Variants in CSGALNACT1 observed in about 807,000 individuals in gnomAD.
CSGALNACT1 encodes chondroitin sulfate N-acetylgalactosaminyltransferase 1.
In CSGALNACT1, 52 loss-of-function variants were observed where a neutral mutation model predicts 51.0. That is an observed-to-expected ratio of 1.02 (90% CI 0.82 to 1.29). CSGALNACT1 has a LOEUF of 1.29. CSGALNACT1 is among the 50% of genes most tolerant of loss of function. CSGALNACT1 has a pLI of 0.00. For missense variants in CSGALNACT1, 935 were observed against 679.2 expected, an observed-to-expected ratio of 1.38 and a Z score of -4.19; for synonymous variants, 341 against 254.4, an observed-to-expected ratio of 1.34 and a Z score of -3.24.
chr8:19,589,555 T>A (rs1365464063), intron 3 of CSGALNACT1, among the ~76,000 whole-genome samples: 1 of 152,200 alleles, frequency 6.6e-6, no homozygotes, highest in Non-Finnish European at 1.5e-5. Context: ...GGTCTTGAAC[T>A]CCCGACCTCA....
chr8:19,530,222 AAAAAC>A (rs58765246), intron 3 of CSGALNACT1, among the ~76,000 whole-genome samples: 4,486 of 150,152 alleles, frequency 0.03, 181 homozygotes, highest in East Asian at 0.14. Flanking sequence ...CTCTGGCTGA[AAAAAC>A]AAAACAAAAC....
chr8:19,702,416 G>A (rs2061930533), intron 1 of CSGALNACT1, among the ~76,000 whole-genome samples: 1 of 152,092 alleles, frequency 6.6e-6, no homozygotes, highest in Non-Finnish European at 1.5e-5. Flanking sequence ...GGAGGCTGAG[G>A]CTGGAGGATC....
At chr8:19,413,625 A>G (rs1179649358) in intron 8 of CSGALNACT1, among the ~76,000 whole-genome samples, 1 of 152,230 alleles carries the variant, frequency 6.6e-6, no homozygotes, top group Non-Finnish European at 1.5e-5. Flanking sequence ...CTGCAATAGT[A>G]AAATACTTTC....
At chr8:19,518,594 C>T (rs2080013992) in intron 3 of CSGALNACT1, among the ~76,000 whole-genome samples, 1 of 152,224 alleles carries the variant, frequency 6.6e-6, no homozygotes, top group Non-Finnish European at 1.5e-5. Context: ...TTTTTCTGCT[C>T]TGAGACTCCT....
chr8:19,666,872 AGAAAG>A (rs2059284769), intron 1 of CSGALNACT1, among the ~76,000 whole-genome samples: 1 of 136,712 alleles, frequency 7.3e-6, no homozygotes, highest in Non-Finnish European at 1.5e-5. Context: ...AAAGAAAGAA[AGAAAG>A]AAAGAAAGAG....
At chr8:19,668,786 C>T (rs2059572962) in intron 1 of CSGALNACT1, among the ~76,000 whole-genome samples, 1 of 152,196 alleles carries the variant, frequency 6.6e-6, no homozygotes, top group African/African-American at 2.4e-5. Context: ...CTCCTGACCT[C>T]AGGTGATCCA....
At position 19,448,946 on chromosome 8, in the gene CSGALNACT1, A is replaced by G. The variant is rs531975065; in HGVS notation, c.852-9015T>C. ...AGGAACAGAGTTAGTGGGGCTAAGT[A>G]AAACCTGGCTTTAAAATCAGTATTC... On this transcript the variant is annotated intron_variant, in intron 5 of 9. Coordinates refer to ENST00000454498, the Ensembl canonical transcript of CSGALNACT1. Among the ~76,000 whole-genome samples, 3 of 152,342 alleles carry G rather than the reference A, an allele frequency of 2.0e-5. No homozygotes were observed. The East Asian group carries it at 5.8e-4, about 29-fold the overall frequency.
chr8:19,706,669 C>T (rs2062185623), intron 1 of CSGALNACT1, among the ~76,000 whole-genome samples: 1 of 152,136 alleles, frequency 6.6e-6, no homozygotes, highest in African/African-American at 2.4e-5. Context: ...GGTCAGGCTC[C>T]TCCTTGTGTG....
At chr8:19,404,450 A>G (rs530234302) in exon 10 of CSGALNACT1, 2 of 453,338 alleles carry the variant, frequency 4.4e-6, no homozygotes, top group Non-Finnish European at 8.8e-6. Flanking sequence ...AATAGTTTGA[A>G]ATGGTAATAA....
Position 19,662,085 on chromosome 8 carries a change from C to A in CSGALNACT1, c.-544+20388G>T, listed in dbSNP as rs1046862374. Reference sequence around the variant, plus strand: ...CCCCACCCCCCCCCACCCCCCCCCCCCCCCGCATCTTCAGCAGCTTCAGCT... The same window carrying A: ...CCCCACCCCCCCCCACCCCCCCCCCACCCCGCATCTTCAGCAGCTTCAGCT... On this transcript the variant is annotated intron_variant, in intron 1 of 9. Transcript: ENST00000332246. Among the ~76,000 whole-genome samples, 28 of 110,348 alleles carry A rather than the reference C, an allele frequency of 2.5e-4. 1 individual carries two copies. The South Asian group carries it at 3.6e-3, about 14-fold the overall frequency. 72.4% of individuals were successfully genotyped at this position (110,348 alleles called of 152,430 possible). A position where few individuals can be genotyped will look rare whatever the true frequency, so the allele number is the denominator to read the frequency against.
chr8:19,670,186 A>C (rs1235464482), intron 1 of CSGALNACT1, among the ~76,000 whole-genome samples: 2 of 152,142 alleles, frequency 1.3e-5, no homozygotes, highest in Admixed American at 1.3e-4. Flanking sequence ...TTTTGCACTT[A>C]TAATCCCACT....
chr8:19,493,162 A>G (rs1027994464), intron 4 of CSGALNACT1, among the ~76,000 whole-genome samples: 1 of 152,110 alleles, frequency 6.6e-6, no homozygotes, highest in Non-Finnish European at 1.5e-5. Flanking sequence ...AAAGCTAAAG[A>G]ATTACTCTCT....
At chr8:19,672,944 C>T (rs2059906807) in intron 1 of CSGALNACT1, among the ~76,000 whole-genome samples, 1 of 152,204 alleles carries the variant, frequency 6.6e-6, no homozygotes, top group Non-Finnish European at 1.5e-5. Flanking sequence ...CAATGGAAAC[C>T]TCTGAGTTTT....
chr8:19,420,189 C>G (rs1035933404), intron 7 of CSGALNACT1, 151 bp downstream of exon 6: 1 of 738,118 alleles, frequency 1.4e-6, no homozygotes, highest in Non-Finnish European at 2.4e-6. Flanking sequence ...TGAGAACAGA[C>G]TAATACAGAT....
chr8:19,724,128 C>A (rs2063271704), intron 1 of CSGALNACT1, among the ~76,000 whole-genome samples: 1 of 152,116 alleles, frequency 6.6e-6, no homozygotes, highest in Non-Finnish European at 1.5e-5. Flanking sequence ...AAAGCAAGAC[C>A]ACCGCTGCCC....
intron 1 of CSGALNACT1, among the ~76,000 whole-genome samples, chr8:19,723,475 A>T (rs7842223): frequency 0.74 from 112,431 of 152,182 alleles, 41,876 homozygotes; most frequent in East Asian, 0.83. Flanking sequence ...GCCACAAACC[A>T]CATGACTAGT....
At chr8:19,592,784 T>A (rs968744539) in intron 2 of CSGALNACT1, among the ~76,000 whole-genome samples, 3 of 151,892 alleles carry the variant, frequency 2.0e-5, no homozygotes, top group East Asian at 3.9e-4. Context: ...GAAAAAAAAA[T>A]TTAAAAAAAG....
rs192981494 is a variant in CSGALNACT1, at chr8:19,482,191, T to C, written c.634+23010A>G. 1.8e-3 allele frequency among the ~76,000 whole-genome samples: 272 copies of C among 152,342 alleles called. 1 individual carries two copies. The highest frequency in any genetic ancestry group is 2.2e-3 in the Non-Finnish European group (147 of 68,044). Reference sequence around the variant, plus strand: ...CGCTGGGAAACAGAATGTTCGGTGATAATGGACATGTTCTTAATCCATTTT... The same window carrying C: ...CGCTGGGAAACAGAATGTTCGGTGACAATGGACATGTTCTTAATCCATTTT... On this transcript the variant is annotated intron_variant, in intron 4 of 9. Coordinates refer to ENST00000454498, the Ensembl canonical transcript of CSGALNACT1.
At chr8:19,461,066 A>G (rs987613506) in intron 4 of CSGALNACT1, among the ~76,000 whole-genome samples, 6 of 152,198 alleles carry the variant, frequency 3.9e-5, no homozygotes, top group African/African-American at 1.2e-4. Context: ...TTCCCTTTGG[A>G]AGCCTTCACC....
Sources: allele counts gnomAD v4.1 joint callset (sites outside exome capture counted in the v4.1 genomes callset), GRCh38; gene constraint gnomAD v4.1.1; transcripts MANE v1.5; gene names NCBI Gene and HGNC (gene_info 2026-07-23, HGNC 2026-07-21).